PLEKHH2: variants seen among roughly 807,000 people sequenced by gnomAD.
The protein encoded by PLEKHH2 is pleckstrin homology, MyTH4 and FERM domain containing H2, also known as pleckstrin homology domain-containing family H member 2.
Under a neutral mutation model 187.9 loss-of-function variants are expected in PLEKHH2, and 129 were observed. The observed-to-expected ratio is 0.69, with a 90% CI of 0.59 to 0.79. The LOEUF (loss-of-function observed/expected upper bound fraction) is 0.79, where lower values mean the gene tolerates loss of function less well. Ranked by LOEUF, PLEKHH2 falls within the 30% of genes least tolerant of loss-of-function variation. PLEKHH2 has a pLI of 0.00. For missense variants in PLEKHH2, 2,076 were observed against 1,751.2 expected (o/e 1.19, Z -3.31); for synonymous variants, 686 against 605.6 (o/e 1.13, Z -1.95).
In PLEKHH2 at chr2:43,702,445, T is replaced by G. The variant is rs143200045; in HGVS notation, c.1651-1536T>G. On this transcript the variant is annotated intron_variant, in intron 8 of 29. Transcript: ENST00000282406. ...ACTTTAGGCAGCAAGAAATTGAAAT[T>G]TTGCCTATCTTATGATGTTGAGATT... Among the ~76,000 whole-genome samples, 356 of 152,074 alleles carry G rather than the reference T, an allele frequency of 2.3e-3. 3 individuals are homozygous for G. The highest frequency in any genetic ancestry group is 8.3e-3 in the African/African-American group (346 of 41,518).
chr2:43,683,023 G>T (rs138167505), intron 3 of PLEKHH2, among the ~76,000 whole-genome samples: 9 of 151,564 alleles, frequency 5.9e-5, no homozygotes, highest in Non-Finnish European at 1.0e-4. Flanking sequence ...CACTGCCCTC[G>T]ATGTCTCCTG....
intron 16 of PLEKHH2, among the ~76,000 whole-genome samples, chr2:43,723,565 C>T (rs889038564): frequency 6.6e-6 from 1 of 152,148 alleles, no homozygotes; most frequent in African/African-American, 2.4e-5. Flanking sequence ...TCTTACTTTC[C>T]TTCTGGTAAA....
intron 15 of PLEKHH2, among the ~76,000 whole-genome samples, chr2:43,717,507 A>G (rs1670271231): frequency 6.6e-6 from 1 of 152,144 alleles, no homozygotes; most frequent in South Asian, 2.1e-4. Context: ...ATTGGGAGGA[A>G]GTTGTGATCA....
At chr2:43,712,137 T>A in intron 14 of PLEKHH2, 88 bp from the exon 15 acceptor site, 2 of 1,488,108 alleles carry the variant, frequency 1.3e-6, no homozygotes, top group Non-Finnish European at 1.9e-6. Context: ...CTGTGTTAAG[T>A]AATGACGTTT....
chr2:43,642,073 C>A (rs2104318791), intron 1 of PLEKHH2, among the ~76,000 whole-genome samples: 1 of 152,274 alleles, frequency 6.6e-6, no homozygotes, highest in South Asian at 2.1e-4. Context: ...CAAGTATTGC[C>A]ATCTTCACAA....
intron 19 of PLEKHH2, among the ~76,000 whole-genome samples, chr2:43,737,048 T>C (rs555760443): frequency 2.0e-5 from 3 of 152,266 alleles, no homozygotes; most frequent in East Asian, 1.9e-4. Flanking sequence ...CTTTGATACA[T>C]TGGACATCAA....
At chr2:43,653,942 C>A (rs1001535678) in intron 2 of PLEKHH2, among the ~76,000 whole-genome samples, 5 of 151,944 alleles carry the variant, frequency 3.3e-5, no homozygotes, top group African/African-American at 9.7e-5. Flanking sequence ...ATGATTTAAC[C>A]AAAGGTAAGA....
chr2:43,726,688 G>A (rs1475190978), intron 17 of PLEKHH2, among the ~76,000 whole-genome samples: 2 of 152,108 alleles, frequency 1.3e-5, no homozygotes, highest in African/African-American at 2.4e-5. Flanking sequence ...GAAGTGGAGG[G>A]CTAAAGGAAC....
intron 3 of PLEKHH2, chr2:43,681,673 C>A: frequency 1.7e-6 from 1 of 592,892 alleles, no homozygotes; most frequent in South Asian, 2.1e-5. Flanking sequence ...ATCACTCAAC[C>A]AAACGCTCTT....
intron 28 of PLEKHH2, among the ~76,000 whole-genome samples, chr2:43,762,768 G>C (rs189285467): frequency 5.3e-5 from 8 of 152,164 alleles, no homozygotes; most frequent in Middle Eastern, 3.4e-3. Context: ...TTTCACTAAG[G>C]CTTCTTTAAC....
At chr2:43,681,340 G>T in intron 3 of PLEKHH2, 1 of 1,123,812 alleles carries the variant, frequency 8.9e-7, no homozygotes, top group Non-Finnish European at 1.3e-6. Flanking sequence ...CAGCTCCATT[G>T]GGGTCACCTG....
rs965213609 is a variant in PLEKHH2 at position 43,717,996 on chromosome 2, T to C, written c.2461-2673T>C. ...GGTGGAGAATGCTACAGGGATGGGC[T>C]TATGGGGAAGGAGAGAATACCATAG... On this transcript the variant is annotated intron_variant, in intron 15 of 29. Transcript: ENST00000282406. 4.6e-5 allele frequency among the ~76,000 whole-genome samples: 7 copies of C among 152,152 alleles called. No homozygotes were observed. In the East Asian group the frequency reaches 1.3e-3, roughly 29 times the overall value.
chr2:43,669,808 GT>G (rs1574505264), intron 2 of PLEKHH2, among the ~76,000 whole-genome samples: 1 of 151,986 alleles, frequency 6.6e-6, no homozygotes, highest in African/African-American at 2.4e-5. Flanking sequence ...CTGGGTTTGA[GT>G]GATTCTCATG....
chr2:43,752,982 T>C (rs1381097133), intron 24 of PLEKHH2, among the ~76,000 whole-genome samples: 1 of 152,154 alleles, frequency 6.6e-6, no homozygotes, highest in African/African-American at 2.4e-5. Flanking sequence ...CAGAGAAAAC[T>C]CACCTTCTCC....
At chr2:43,676,203 G>A (rs747149020) in intron 2 of PLEKHH2, 2 of 1,614,016 alleles carry the variant, frequency 1.2e-6, no homozygotes, top group Non-Finnish European at 1.7e-6. Flanking sequence ...GATGGTGCTC[G>A]TGGTCTTGAG....
intron 8 of PLEKHH2, among the ~76,000 whole-genome samples, chr2:43,703,477 G>C (rs6759851): frequency 0.59 from 90,060 of 152,088 alleles, 28,084 homozygotes; most frequent in African/African-American, 0.78. Context: ...TAATGCTACT[G>C]TATCTATGAC....
chr2:43,751,020 A>G (rs1324072477), intron 24 of PLEKHH2, among the ~76,000 whole-genome samples: 1 of 152,180 alleles, frequency 6.6e-6, no homozygotes, highest in African/African-American at 2.4e-5. Context: ...ACCACTTACT[A>G]TGTGGCCCTG....
At chr2:43,711,358 G>C (rs868533692) in intron 14 of PLEKHH2, 1 of 985,390 alleles carries the variant, frequency 1.0e-6, no homozygotes, top group African/African-American at 1.7e-5. Context: ...TGGCAGTTAA[G>C]AATCATTTGT....
intron 6 of PLEKHH2, 67 bp downstream of exon 6, chr2:43,695,291 A>G: frequency 3.5e-6 from 3 of 863,710 alleles, no homozygotes; most frequent in Non-Finnish European, 5.0e-6. Context: ...ACTTTTTTTG[A>G]TGTTTTAAAG....
Sources: allele counts gnomAD v4.1 joint callset (sites outside exome capture counted in the v4.1 genomes callset), GRCh38; gene constraint gnomAD v4.1.1; transcripts MANE v1.5; gene names NCBI Gene and HGNC (gene_info 2026-07-23, HGNC 2026-07-21).